RGL1: variants seen among roughly 807,000 people sequenced by gnomAD.
RGL1 encodes the protein ral guanine nucleotide dissociation stimulator like 1, also known as ral guanine nucleotide dissociation stimulator-like 1.
In RGL1, 24 loss-of-function variants were observed where a neutral mutation model predicts 95.2. The ratio of observed to expected loss-of-function variants is 0.25; its 90% CI spans 0.18 to 0.35. The LOEUF (loss-of-function observed/expected upper bound fraction) is 0.35. Ranked by LOEUF, RGL1 falls within the 10% of genes least tolerant of loss-of-function variation. The pLI, the probability that RGL1 is intolerant of heterozygous loss-of-function variation, is 1.00. For synonymous variants in RGL1, 329 were observed against 344.9 expected (o/e 0.95, Z 0.51); for missense variants, 715 against 936.3 (o/e 0.76, Z 3.08).
chr1:183,662,831 C>T (rs1651741893), intron 1 of RGL1, among the ~76,000 whole-genome samples: 3 of 152,230 alleles, frequency 2.0e-5, no homozygotes, highest in East Asian at 3.9e-4. Context: ...GCTACAGTAA[C>T]CAAAACAGCA....
At chr1:183,694,352 G>A (rs1325448198) in intron 1 of RGL1, among the ~76,000 whole-genome samples, 1 of 152,206 alleles carries the variant, frequency 6.6e-6, no homozygotes, top group Non-Finnish European at 1.5e-5. Flanking sequence ...GCTAATGCCA[G>A]ACTGAGTGAA....
chr1:183,639,718 G>A (rs1649791873), intron 1 of RGL1, among the ~76,000 whole-genome samples: 1 of 150,114 alleles, frequency 6.7e-6, no homozygotes. Context: ...AAAAAATCAG[G>A]GAAAAAAATC....
chr1:183,667,164 A>AT (rs1652097648), intron 1 of RGL1, among the ~76,000 whole-genome samples: 1 of 152,028 alleles, frequency 6.6e-6, no homozygotes. Flanking sequence ...TCTTTCGATT[A>AT]TTATTAGCAT....
At chr1:183,925,544 A>AT (rs34254228) in intron 17 of RGL1, among the ~76,000 whole-genome samples, 42,437 of 151,956 alleles carry the variant, frequency 0.28, 6,139 homozygotes, top group East Asian at 0.49. Flanking sequence ...TTAAAGTAAA[A>AT]TTTTTTTAAA....
At chr1:183,778,167 G>A (rs1659697172) in intron 2 of RGL1, among the ~76,000 whole-genome samples, 1 of 152,184 alleles carries the variant, frequency 6.6e-6, no homozygotes, top group African/African-American at 2.4e-5. Flanking sequence ...TGTGGATTTT[G>A]TTCTCACAGG....
intron 1 of RGL1, among the ~76,000 whole-genome samples, chr1:183,645,901 T>A (rs1235032773): frequency 6.6e-6 from 1 of 152,224 alleles, no homozygotes. Flanking sequence ...ATCGAACCAG[T>A]ACAAAAGTTT....
intron 1 of RGL1, 151 bp from the exon 2 acceptor site, chr1:183,806,224 G>A: frequency 1.8e-6 from 1 of 551,580 alleles, no homozygotes; most frequent in East Asian, 3.0e-5. Context: ...CTATCAAAAT[G>A]TGTCTTGTAT....
intron 12 of RGL1, 68 bp from the exon 13 acceptor site, chr1:183,904,782 A>C: frequency 2.0e-4 from 201 of 988,686 alleles, no homozygotes; most frequent in Non-Finnish European, 2.7e-4. Context: ...ATGTTGAAAG[A>C]TTCTATATTT....
intron 2 of RGL1, among the ~76,000 whole-genome samples, chr1:183,829,261 G>A (rs1052325219): frequency 6.6e-6 from 1 of 151,964 alleles, no homozygotes; most frequent in Non-Finnish European, 1.5e-5. Context: ...GCAATATAGT[G>A]AGACCTCGTC....
At chr1:183,880,544 C>G (rs1330256572) in intron 4 of RGL1, 72 bp from the exon 5 acceptor site, 1 of 1,463,984 alleles carries the variant, frequency 6.8e-7, no homozygotes, top group Non-Finnish European at 9.4e-7. Flanking sequence ...TGGGGTCCAC[C>G]CTGGTGTCCA....
chr1:183,918,556 A>G (rs1669126986), intron 16 of RGL1, among the ~76,000 whole-genome samples: 1 of 152,214 alleles, frequency 6.6e-6, no homozygotes, highest in Non-Finnish European at 1.5e-5. Context: ...CACTCTGCTC[A>G]GTCTGGGGGG....
In RGL1 at chr1:183,818,768, T is replaced by A. The variant is rs546951926; in HGVS notation, c.138+12283T>A. Among the ~76,000 whole-genome samples, 69 of 152,322 alleles carry A rather than the reference T, an allele frequency of 4.5e-4. 1 individual carries two copies. In the East Asian group the frequency reaches 5.4e-3, roughly 12 times the overall value. ...TTTATTATAGAACGTGTATCTTTAGTGACTTTTTTTTGGTATTTGGTAATA... is the reference window on the plus strand; with the variant it reads ...TTTATTATAGAACGTGTATCTTTAGAGACTTTTTTTTGGTATTTGGTAATA... On this transcript the variant is annotated intron_variant, in intron 2 of 17. Transcript: ENST00000360851.
At chr1:183,922,774 T>C (rs1479456866) in intron 17 of RGL1, among the ~76,000 whole-genome samples, 1 of 152,206 alleles carries the variant, frequency 6.6e-6, no homozygotes, top group Non-Finnish European at 1.5e-5. Context: ...TTTCAATTAA[T>C]CATGTATGAA....
intron 2 of RGL1, among the ~76,000 whole-genome samples, chr1:183,783,522 C>T (rs1289080266): frequency 6.6e-6 from 1 of 152,164 alleles, no homozygotes; most frequent in Non-Finnish European, 1.5e-5. Context: ...AGGCATGTGA[C>T]AATGTGAGCT....
chr1:183,684,906 C>T (rs1281835909), intron 1 of RGL1, among the ~76,000 whole-genome samples: 1 of 152,186 alleles, frequency 6.6e-6, no homozygotes, highest in Non-Finnish European at 1.5e-5. Flanking sequence ...GGCTCACCCT[C>T]CATGGGCTGC....
At position 183,915,216 on chromosome 1, in the gene RGL1, A is replaced by G. The variant is rs186074863; in HGVS notation, c.1750-1231A>G. ...GATAACCAGAAAGCTCAACTTCTAT[A>G]CTGTTTCCATGGAAAGGCAGATAAA... On this transcript the variant is annotated intron_variant, in intron 15 of 17. Coordinates refer to ENST00000360851, the MANE Select transcript of RGL1 (RefSeq NM_001297671.3). 2.6e-5 allele frequency among the ~76,000 whole-genome samples: 4 copies of G among 152,332 alleles called. No individual in the cohort carries two copies. The East Asian group carries it at 7.7e-4, about 29-fold the overall frequency.
chr1:183,896,517 C>G (rs2102684732), intron 9 of RGL1, among the ~76,000 whole-genome samples: 1 of 152,216 alleles, frequency 6.6e-6, no homozygotes, highest in East Asian at 1.9e-4. Flanking sequence ...AGAGATGGAA[C>G]ATGTTGATGC....
intron 8 of RGL1, among the ~76,000 whole-genome samples, chr1:183,890,107 A>G (rs1037566034): frequency 6.6e-6 from 1 of 152,078 alleles, no homozygotes; most frequent in African/African-American, 2.4e-5. Context: ...TCTTTCCCTT[A>G]CCACCACTCT....
intron 4 of RGL1, among the ~76,000 whole-genome samples, chr1:183,877,401 C>A (rs114215096): frequency 1.3e-5 from 2 of 152,196 alleles, no homozygotes; most frequent in Non-Finnish European, 2.9e-5. Context: ...TGCGATGTTG[C>A]TTTCTTTTTT....
Sources: gnomAD v4.1 joint callset for allele counts (sites outside exome capture counted in the v4.1 genomes callset) on GRCh38, gnomAD v4.1.1 for gene constraint, MANE v1.5 for transcripts, NCBI Gene and HGNC (gene_info 2026-07-23, HGNC 2026-07-21) for gene names.